Variants in PLAC1 observed in about 807,000 individuals in gnomAD.
PLAC1 encodes placenta-specific protein 1.
For synonymous variants in PLAC1, 68 were observed against 62.1 expected (o/e 1.09, Z -0.44); for missense variants, 136 against 163.2 (o/e 0.83, Z 0.91).
chrX:134,601,093 A>ACACACAC (rs2078087025), intron 2 of PLAC1: 3 of 61,859 alleles, frequency 4.8e-5, no homozygotes, highest in South Asian at 7.0e-4. Flanking sequence ...CACACACACA[A>ACACACAC]ACACACTTGG....
intron 1 of PLAC1, among the ~76,000 whole-genome samples, chrX:134,740,643 G>A (rs746376575): frequency 9.8e-5 from 11 of 112,008 alleles, no homozygotes; most frequent in Non-Finnish European, 2.1e-4. Flanking sequence ...GGCCTTTGCA[G>A]ATATAACTAA....
chrX:134,705,615 G>A (rs901158581), intron 2 of PLAC1, among the ~76,000 whole-genome samples: 8 of 111,048 alleles, frequency 7.2e-5, no homozygotes, highest in African/African-American at 1.3e-4. Flanking sequence ...AGCTAGGAGC[G>A]TGAGCAGTGT....
chrX:134,759,005 A>T (rs188683405), intron 1 of PLAC1, among the ~76,000 whole-genome samples: 22 of 112,225 alleles, frequency 2.0e-4, no homozygotes, highest in African/African-American at 6.8e-4. Flanking sequence ...CAAACAGCCA[A>T]CAGGTATATG....
chrX:134,571,742 G>A (rs1300311031), intron 2 of PLAC1, among the ~76,000 whole-genome samples: 1 of 111,307 alleles, frequency 9.0e-6, no homozygotes, highest in Non-Finnish European at 1.9e-5. Context: ...AAGAGAAATC[G>A]CTTTGAAAGC....
chrX:134,736,887 A>G, intron 1 of PLAC1, among the ~76,000 whole-genome samples: 1 of 112,477 alleles, frequency 8.9e-6, no homozygotes, highest in Middle Eastern at 4.6e-3. Context: ...ACACCACAAG[A>G]TTGATCACGA....
intron 2 of PLAC1, among the ~76,000 whole-genome samples, chrX:134,685,327 C>T (rs899507600): frequency 3.6e-5 from 4 of 111,132 alleles, no homozygotes; most frequent in South Asian, 3.8e-4. Flanking sequence ...ATCCCAATGC[C>T]ACAGTTCTAC....
intron 1 of PLAC1, among the ~76,000 whole-genome samples, chrX:134,618,526 T>G (rs1380393046): frequency 1.8e-5 from 2 of 111,680 alleles, no homozygotes; most frequent in Non-Finnish European, 3.8e-5. Context: ...CCACCTTAGC[T>G]TCCTCAGTTG....
intron 1 of PLAC1, among the ~76,000 whole-genome samples, chrX:134,614,232 C>A (rs2078168389): frequency 9.0e-6 from 1 of 111,275 alleles, no homozygotes; most frequent in Non-Finnish European, 1.9e-5. Context: ...TTCACATATT[C>A]TTTTAAAATG....
Position 134,705,002 on chromosome X carries a change from A to ATATATATATATATATATATATATT in PLAC1, n.174+28432_174+28433insAATATATATATATATATATATATA, listed in dbSNP as rs1478504606. Among the ~76,000 whole-genome samples the ATATATATATATATATATATATATT allele has an allele frequency of 1.4e-4, 13 of 94,749 alleles. 1 individual carries two copies. Among genetic ancestry groups the ATATATATATATATATATATATATT allele is most frequent in the African/African-American group, 5.7e-4 (13 of 22,984 alleles). 82.3% of individuals were successfully genotyped at this position (94,749 alleles called of 115,157 possible). A position where few individuals can be genotyped will look rare whatever the true frequency, so the allele number is the denominator to read the frequency against. On this transcript the variant is annotated intron_variant and non_coding_transcript_variant, in intron 2 of 2. Coordinates refer to the PLAC1 transcript ENST00000466797. Reference sequence around the variant, plus strand: ...AGCGAGACTCCAACTCAAAAAAATTATATATATATATATATATATACACAC... The same window carrying ATATATATATATATATATATATATT: ...AGCGAGACTCCAACTCAAAAAAATTATATATATATATATATATATATATTTATATATATATATATATATACACAC...
At chrX:134,585,102 C>T (rs767487555) in intron 2 of PLAC1, among the ~76,000 whole-genome samples, 9 of 96,450 alleles carry the variant, frequency 9.3e-5, no homozygotes, top group East Asian at 3.7e-4. Context: ...GAGGCTGAAG[C>T]GGGCGGATCA....
chrX:134,732,828 G>T (rs1254387825), intron 2 of PLAC1, among the ~76,000 whole-genome samples: 1 of 112,214 alleles, frequency 8.9e-6, no homozygotes, highest in Non-Finnish European at 1.9e-5. Context: ...CATTGTTTTT[G>T]TGGGCATCAA....
intron 2 of PLAC1, among the ~76,000 whole-genome samples, chrX:134,704,427 A>T (rs6654283): frequency 1.9e-5 from 2 of 103,941 alleles, no homozygotes; most frequent in Admixed American, 1.1e-4. Context: ...CGGGAGGCAG[A>T]GGTTACAGTG....
chrX:134,694,568 G>A (rs1420248524), intron 2 of PLAC1, among the ~76,000 whole-genome samples: 1 of 112,114 alleles, frequency 8.9e-6, no homozygotes, highest in Non-Finnish European at 1.9e-5. Flanking sequence ...AGCGTTTCAG[G>A]CATACCTCAC....
intron 2 of PLAC1, among the ~76,000 whole-genome samples, chrX:134,589,231 G>A (rs1454492342): frequency 3.6e-5 from 4 of 111,503 alleles, no homozygotes; most frequent in Non-Finnish European, 7.5e-5. Context: ...TGCCTAATTC[G>A]CTTGTTCCCT....
At chrX:134,715,999 G>C (rs1409575844) in intron 2 of PLAC1, among the ~76,000 whole-genome samples, 1 of 112,935 alleles carries the variant, frequency 8.9e-6, no homozygotes, top group African/African-American at 3.2e-5. Context: ...CGGCCAGAGT[G>C]GCCATGCACA....
chrX:134,726,076 C>T (rs940529540), intron 2 of PLAC1, among the ~76,000 whole-genome samples: 4 of 111,490 alleles, frequency 3.6e-5, no homozygotes, highest in Non-Finnish European at 7.5e-5. Flanking sequence ...CTTTGGAACC[C>T]TCCATACACC....
At chrX:134,751,633 T>C (rs2078745236) in intron 1 of PLAC1, among the ~76,000 whole-genome samples, 1 of 111,704 alleles carries the variant, frequency 9.0e-6, no homozygotes, top group African/African-American at 3.3e-5. Context: ...CCATCTCTTG[T>C]CTCTGGCACA....
At chrX:134,687,245 G>A (rs1407788712) in intron 2 of PLAC1, among the ~76,000 whole-genome samples, 3 of 111,829 alleles carry the variant, frequency 2.7e-5, no homozygotes, top group Non-Finnish European at 3.8e-5. Flanking sequence ...CCTTGCCCAT[G>A]TTAAGGGTAG....
chrX:134,581,549 G>A (rs1380805364), intron 2 of PLAC1, among the ~76,000 whole-genome samples: 2 of 90,699 alleles, frequency 2.2e-5, no homozygotes, highest in Non-Finnish European at 4.2e-5. Flanking sequence ...TGGGATCTTG[G>A]CTCACTGCAA....
Sources: allele counts gnomAD v4.1 joint callset (sites outside exome capture counted in the v4.1 genomes callset), GRCh38; gene constraint gnomAD v4.1.1; transcripts MANE v1.5; gene names NCBI Gene and HGNC (gene_info 2026-07-23, HGNC 2026-07-21).